UBTD1: variants seen among roughly 807,000 people sequenced by gnomAD.
UBTD1 encodes ubiquitin domain-containing protein 1.
Under a neutral mutation model 21.7 loss-of-function variants are expected in UBTD1, and 19 were observed. The ratio of observed to expected loss-of-function variants is 0.87; its 90% CI spans 0.61 to 1.28. The LOEUF is 1.28. UBTD1 is among the 50% of genes most tolerant of loss of function. The probability of loss-of-function intolerance (pLI) is 0.00; values close to 1 mark genes in which losing one functional copy is unlikely to be tolerated. For missense variants in UBTD1, 282 were observed against 315.1 expected, an observed-to-expected ratio of 0.89 and a Z score of 0.80; for synonymous variants, 116 against 135.1, an observed-to-expected ratio of 0.86 and a Z score of 0.98.
At chr10:97,558,564 A>AT (rs1352148014) in intron 1 of UBTD1, among the ~76,000 whole-genome samples, 4 of 151,172 alleles carry the variant, frequency 2.6e-5, no homozygotes, top group African/African-American at 9.8e-5. Context: ...TCCAACTGCC[A>AT]TTTTTTCTCT....
intron 1 of UBTD1, among the ~76,000 whole-genome samples, chr10:97,539,603 A>C (rs1455297125): frequency 2.6e-5 from 4 of 152,158 alleles, no homozygotes; most frequent in Admixed American, 2.6e-4. Flanking sequence ...TCAAAAAAAA[A>C]AAAAGAAGTT....
chr10:97,536,212 G>A (rs1451483388), intron 1 of UBTD1, among the ~76,000 whole-genome samples: 14 of 151,978 alleles, frequency 9.2e-5, no homozygotes, highest in Non-Finnish European at 2.1e-4. Flanking sequence ...GGCTTGTCTC[G>A]AACTCCTGAC....
At chr10:97,500,312 C>G (rs1238560749) in intron 1 of UBTD1, among the ~76,000 whole-genome samples, 1 of 152,160 alleles carries the variant, frequency 6.6e-6, no homozygotes, top group East Asian at 1.9e-4. Flanking sequence ...TTCCTGTCTC[C>G]CTTGACACCG....
chr10:97,539,827 G>A (rs1339992238), intron 1 of UBTD1, among the ~76,000 whole-genome samples: 2 of 152,124 alleles, frequency 1.3e-5, no homozygotes, highest in Non-Finnish European at 2.9e-5. Flanking sequence ...TGCTCCCTGT[G>A]CAGACACCAG....
At chr10:97,564,130 A>T (rs1481547952) in intron 1 of UBTD1, among the ~76,000 whole-genome samples, 1 of 152,144 alleles carries the variant, frequency 6.6e-6, no homozygotes, top group Admixed American at 6.5e-5. Context: ...ACAAGAACTG[A>T]TCGTCCAGCT....
At position 97,557,140 on chromosome 10, in the gene UBTD1, C is replaced by T. The variant is rs553375252; in HGVS notation, c.71-10774C>T. Among the ~76,000 whole-genome samples the T allele has an allele frequency of 3.3e-5, 5 of 152,296 alleles. No individual in the cohort carries two copies. The South Asian group carries it at 1.0e-3, about 32-fold the overall frequency. On this transcript the variant is annotated intron_variant, in intron 1 of 2. Coordinates refer to ENST00000370664, the MANE Select transcript of UBTD1 (RefSeq NM_024954.5). ...TGTTACGGTTCCAACACAAATATAACATGAGGTGACTTGTAGAGACTGGGC... is the reference window on the plus strand; with the variant it reads ...TGTTACGGTTCCAACACAAATATAATATGAGGTGACTTGTAGAGACTGGGC...
intron 1 of UBTD1, among the ~76,000 whole-genome samples, chr10:97,536,142 G>C (rs868397218): frequency 2.0e-5 from 3 of 151,830 alleles, no homozygotes; most frequent in African/African-American, 7.3e-5. Context: ...ACAGGCTCCC[G>C]CCACCAAGCA....
intron 1 of UBTD1, among the ~76,000 whole-genome samples, chr10:97,546,957 G>A (rs1589879499): frequency 6.6e-6 from 1 of 152,214 alleles, no homozygotes. Context: ...GGAAACAGCT[G>A]TCGGGTCTGG....
intron 1 of UBTD1, among the ~76,000 whole-genome samples, chr10:97,531,134 T>G (rs191919334): frequency 0.037 from 5,573 of 151,858 alleles, 285 homozygotes; most frequent in African/African-American, 0.12. Context: ...TGATCCGCCC[T>G]CCTTGGCCTC....
At chr10:97,530,324 G>T (rs1468730524) in intron 1 of UBTD1, among the ~76,000 whole-genome samples, 1 of 152,202 alleles carries the variant, frequency 6.6e-6, no homozygotes, top group Non-Finnish European at 1.5e-5. Context: ...TTTAATCCCA[G>T]TGACTCAGGA....
intron 1 of UBTD1, among the ~76,000 whole-genome samples, chr10:97,509,982 T>A (rs1289405879): frequency 1.4e-5 from 2 of 144,610 alleles, no homozygotes; most frequent in Admixed American, 1.4e-4. Flanking sequence ...TTCTTTATTT[T>A]AGACAGAGCT....
intron 1 of UBTD1, among the ~76,000 whole-genome samples, chr10:97,563,429 T>C (rs1266310126): frequency 6.6e-6 from 1 of 152,110 alleles, no homozygotes; most frequent in Non-Finnish European, 1.5e-5. Context: ...CCAGTAATTG[T>C]TTGTTAAAGA....
At chr10:97,551,411 GTCC>G (rs1436786510) in intron 1 of UBTD1, among the ~76,000 whole-genome samples, 1 of 152,022 alleles carries the variant, frequency 6.6e-6, no homozygotes, top group African/African-American at 2.4e-5. Flanking sequence ...GTCTTTTGGT[GTCC>G]TCTGCCCAGC....
chr10:97,523,539 G>A (rs2040475290), intron 1 of UBTD1, among the ~76,000 whole-genome samples: 2 of 152,012 alleles, frequency 1.3e-5, no homozygotes, highest in Admixed American at 1.3e-4. Context: ...TGTCTGCAGG[G>A]CCTGTCTTCT....
At chr10:97,521,720 C>G (rs2040467635) in intron 1 of UBTD1, among the ~76,000 whole-genome samples, 1 of 152,220 alleles carries the variant, frequency 6.6e-6, no homozygotes, top group South Asian at 2.1e-4. Context: ...GGAGTTTGGT[C>G]CAGATTTCCC....
At chr10:97,509,652 T>C (rs771645533) in intron 1 of UBTD1, among the ~76,000 whole-genome samples, 1 of 152,132 alleles carries the variant, frequency 6.6e-6, no homozygotes, top group Non-Finnish European at 1.5e-5. Flanking sequence ...GAATTTCCTT[T>C]TTTTTCCCCC....
At chr10:97,519,726 T>C (rs954580850) in intron 1 of UBTD1, among the ~76,000 whole-genome samples, 3 of 152,200 alleles carry the variant, frequency 2.0e-5, no homozygotes, top group Non-Finnish European at 2.9e-5. Flanking sequence ...TTGCCTGATA[T>C]TGCAGGAATT....
intron 1 of UBTD1, among the ~76,000 whole-genome samples, chr10:97,520,690 C>T (rs73330742): frequency 0.015 from 2,209 of 152,226 alleles, 48 homozygotes; most frequent in African/African-American, 0.051. Flanking sequence ...CTGGCCAGGG[C>T]TGCCTGCTGG....
chr10:97,503,960 G>C (rs930324665), intron 1 of UBTD1, among the ~76,000 whole-genome samples: 14 of 151,982 alleles, frequency 9.2e-5, no homozygotes, highest in Non-Finnish European at 1.9e-4. Context: ...CTAGTTTAAC[G>C]TGTCCAAAAC....
Sources: gnomAD v4.1 joint callset for allele counts (sites outside exome capture counted in the v4.1 genomes callset) on GRCh38, gnomAD v4.1.1 for gene constraint, MANE v1.5 for transcripts, NCBI Gene and HGNC (gene_info 2026-07-23, HGNC 2026-07-21) for gene names.